Variants in GAS7 observed in about 807,000 individuals in gnomAD.
GAS7 encodes the protein growth arrest-specific protein 7.
In GAS7, 28 loss-of-function variants were observed where a neutral mutation model predicts 71.1. The observed-to-expected ratio is 0.39, with a 90% confidence interval of 0.29 to 0.54. GAS7 has a LOEUF of 0.54. Ranked by LOEUF, GAS7 falls within the 20% of genes least tolerant of loss-of-function variation. GAS7 has a pLI of 0.62. For synonymous variants in GAS7, 258 were observed against 245.8 expected (o/e 1.05, Z -0.46); for missense variants, 436 against 627.8 (o/e 0.69, Z 3.27).
Position 10,109,670 on chromosome 17 carries a change from A to G in GAS7, c.183+88538T>C, listed in dbSNP as rs371045931. On this transcript the variant is annotated intron_variant, in intron 1 of 13. Coordinates refer to ENST00000432992, the MANE Select transcript of GAS7 (RefSeq NM_201433.2). ...GCAGTGGCTCACGCCTGTAATTCCA[A>G]CACTTTGGGAGGCCAAGGCAGGTGG... Among the ~76,000 whole-genome samples the G allele has an allele frequency of 1.6e-4, 24 of 152,336 alleles. No individual in the cohort carries two copies. The South Asian group carries it at 1.7e-3, about 11-fold the overall frequency.
At chr17:10,066,569 C>T (rs1304356145) in intron 1 of GAS7, among the ~76,000 whole-genome samples, 1 of 152,180 alleles carries the variant, frequency 6.6e-6, no homozygotes, top group African/African-American at 2.4e-5. Flanking sequence ...CAGCTGGCCT[C>T]AGGCCATCCC....
chr17:10,150,591 C>CTTTTTTTTTTTTTTT (rs3051271), intron 1 of GAS7, among the ~76,000 whole-genome samples: 3 of 118,956 alleles, frequency 2.5e-5, no homozygotes, highest in Non-Finnish European at 1.6e-5. Flanking sequence ...TGTTACATTT[C>CTTTTTTTTTTTTTTT]TTTTTTTTTT....
chr17:9,938,616 C>A (rs190191195), intron 8 of GAS7, among the ~76,000 whole-genome samples: 8 of 151,870 alleles, frequency 5.3e-5, no homozygotes, highest in African/African-American at 1.9e-4. Flanking sequence ...AGGCACCAAC[C>A]CTGCTGGCAC....
intron 1 of GAS7, among the ~76,000 whole-genome samples, chr17:10,126,444 G>A (rs68107316): frequency 0.43 from 63,122 of 148,104 alleles, 14,321 homozygotes; most frequent in East Asian, 0.68. Flanking sequence ...ATGCACACAC[G>A]CGCGCGCGCA....
At chr17:10,191,874 CAA>C (rs11303007) in intron 1 of GAS7, among the ~76,000 whole-genome samples, 1,196 of 110,356 alleles carry the variant, frequency 0.011, 6 homozygotes, top group African/African-American at 0.036. Flanking sequence ...GACTCCATCT[CAA>C]AAAAAAAAAA....
At position 9,925,480 on chromosome 17, in the gene GAS7, C is replaced by T. The variant is rs1368640678; in HGVS notation, c.1134G>A (p.Gln378=). 5.0e-6 allele frequency: 8 copies of T among 1,614,030 alleles called. No homozygotes were observed. In the South Asian group the frequency reaches 8.8e-5, roughly 18 times the overall value. ...AGGCGGGTGCCCAGCACTTACCAGC[C>T]TGTGTGGACTTTCTCCGCGCCTTCT... The part of the protein sequence containing the change: ...DIKKARRKST[Q]AGDDLMRCVD... The change falls in exon 11 of 14, where the codon CAG becomes CAA. Residue 378 remains glutamine (Q), a synonymous_variant. Coordinates refer to ENST00000432992, the MANE Select transcript of GAS7 (RefSeq NM_201433.2).
chr17:10,175,834 T>C (rs1427447949), intron 1 of GAS7, among the ~76,000 whole-genome samples: 2 of 152,164 alleles, frequency 1.3e-5, no homozygotes, highest in African/African-American at 4.8e-5. Flanking sequence ...AGACTCTTTC[T>C]CCACATGCAG....
At chr17:9,917,935 C>A (rs2067644221) in intron 13 of GAS7, 66 bp downstream of exon 13, 3 of 1,163,514 alleles carry the variant, frequency 2.6e-6, no homozygotes, top group Non-Finnish European at 2.5e-6. Flanking sequence ...CCTGCCACGG[C>A]CTAGCGCCAG....
intron 1 of GAS7, among the ~76,000 whole-genome samples, chr17:10,197,729 G>C (rs1293619880): frequency 6.6e-6 from 1 of 152,082 alleles, no homozygotes; most frequent in Non-Finnish European, 1.5e-5. Context: ...GAGGCGGCCA[G>C]GCAGCCTGAC....
In GAS7 at chr17:9,919,718, C is replaced by G. The variant is rs369570325; in HGVS notation, c.1139-13G>C. 6 of 1,593,076 alleles carry G rather than the reference C, an allele frequency of 3.8e-6. No homozygotes were observed. In the African/African-American group the frequency reaches 6.7e-5, roughly 18 times the overall value. On this transcript the variant is annotated splice_polypyrimidine_tract_variant and intron_variant, in intron 11 of 13. Transcript: ENST00000432992. This position sits in a 1 kb window ranked among gnomAD's most constrained non-coding sequence, Gnocchi z 5.0. ...ATGAGGTCGTCTCCTGGAAAAAGAC[C>G]ACAGTCACCATCATGAAGCATCCTA... is the stretch of plus-strand genomic sequence containing the variant.
At chr17:10,130,577 C>A (rs977341312) in intron 1 of GAS7, among the ~76,000 whole-genome samples, 4 of 152,140 alleles carry the variant, frequency 2.6e-5, no homozygotes, top group Non-Finnish European at 4.4e-5. Context: ...TCCTAAAGAG[C>A]CAAAAAGTAG....
rs1326537623 is a variant in GAS7 at position 9,989,417 on chromosome 17, T to C, written c.305-7533A>G. ...GGACACGGGGTTATATTGCAGGAAATATAAGTGGTTAAACTCCTCCTCCTT... is the reference window on the plus strand; with the variant it reads ...GGACACGGGGTTATATTGCAGGAAACATAAGTGGTTAAACTCCTCCTCCTT... On this transcript the variant is annotated intron_variant, in intron 2 of 13. Transcript: ENST00000432992. Among the ~76,000 whole-genome samples, 3 of 152,162 alleles carry C rather than the reference T, an allele frequency of 2.0e-5. No individual in the cohort carries two copies. In the East Asian group the frequency reaches 5.8e-4, roughly 29 times the overall value.
intron 1 of GAS7, among the ~76,000 whole-genome samples, chr17:10,064,781 T>C (rs963537078): frequency 6.6e-6 from 1 of 152,190 alleles, no homozygotes; most frequent in Admixed American, 6.5e-5. Flanking sequence ...GATCAAACCA[T>C]GCCTGAAGCT....
rs142070816 is a variant in GAS7, at chr17:10,168,413, G to A, written c.183+29795C>T. ...GAAGGTGGCTTTAGAATAATTCTGGGTTTTTCAACCTTTTTTCATTACTGC... is the reference window on the plus strand; with the variant it reads ...GAAGGTGGCTTTAGAATAATTCTGGATTTTTCAACCTTTTTTCATTACTGC... On this transcript the variant is annotated intron_variant, in intron 1 of 13. Coordinates refer to ENST00000432992, the MANE Select transcript of GAS7 (RefSeq NM_201433.2). Among the ~76,000 whole-genome samples, 1,033 of 152,274 alleles carry A rather than the reference G, an allele frequency of 6.8e-3. 10 individuals carry two copies. The highest frequency in any genetic ancestry group is 0.024 in the African/African-American group (991 of 41,558).
At position 10,005,346 on chromosome 17, in the gene GAS7, C is replaced by CAT. The variant is rs1262053122; in HGVS notation, c.304+14429_304+14430dup. Among the ~76,000 whole-genome samples the CAT allele has an allele frequency of 3.9e-3, 584 of 149,728 alleles. 7 individuals are homozygous for CAT. Among genetic ancestry groups the CAT allele is most frequent in the African/African-American group, 0.012 (481 of 40,510 alleles). On this transcript the variant is annotated intron_variant, in intron 2 of 13. Transcript: ENST00000432992. ...ATATATATACACACACACACACACA[C>CAT]ATATATATATATATCTTCCTGACTT... is the stretch of plus-strand genomic sequence containing the variant.
intron 1 of GAS7, among the ~76,000 whole-genome samples, chr17:10,155,747 T>C (rs1267939988): frequency 6.6e-6 from 1 of 152,218 alleles, no homozygotes; most frequent in Non-Finnish European, 1.5e-5. Context: ...GGGTTAAATA[T>C]ACAGCAGTGG....
At chr17:10,080,330 T>C (rs1265544241) in intron 1 of GAS7, among the ~76,000 whole-genome samples, 1 of 152,190 alleles carries the variant, frequency 6.6e-6, no homozygotes, top group Non-Finnish European at 1.5e-5. Context: ...TTCCAGGAAC[T>C]GCCCCCTGCC....
At chr17:10,016,630 CAAA>C (rs1178954166) in intron 2 of GAS7, among the ~76,000 whole-genome samples, 1 of 119,142 alleles carries the variant, frequency 8.4e-6, no homozygotes, top group Admixed American at 8.6e-5. Context: ...AAAAACAAAA[CAAA>C]AAAAACTGTT....
At chr17:10,165,995 C>CTTTCTT (rs1193280518) in intron 1 of GAS7, among the ~76,000 whole-genome samples, 83 of 147,360 alleles carry the variant, frequency 5.6e-4, no homozygotes, top group African/African-American at 1.7e-3. Flanking sequence ...GGACTCCTGG[C>CTTTCTT]TTTCTTTTTC....
Sources: gnomAD v4.1 joint callset for allele counts (sites outside exome capture counted in the v4.1 genomes callset) on GRCh38, gnomAD v4.1.1 for gene constraint, Gnocchi (gnomAD v3.1) non-coding constraint, MANE v1.5 for transcripts, NCBI Gene and HGNC (gene_info 2026-07-23, HGNC 2026-07-21) for gene names.